The following FER variants were observed in gnomAD, a reference collection of about 807,000 sequenced individuals.
FER encodes the protein FER tyrosine kinase, also known as tyrosine-protein kinase Fer.
Under a neutral mutation model 111.0 loss-of-function variants are expected in FER, and 63 were observed. The ratio of observed to expected loss-of-function variants is 0.57; its 90% confidence interval spans 0.46 to 0.70. The LOEUF (loss-of-function observed/expected upper bound fraction) is 0.70, where lower values mean the gene tolerates loss of function less well. FER is among the 30% of genes least tolerant of loss of function. The pLI is 0.00. For synonymous variants in FER, 327 were observed against 313.9 expected (o/e 1.04, Z -0.44); for missense variants, 914 against 954.0 (o/e 0.96, Z 0.55).
intron 16 of FER, among the ~76,000 whole-genome samples, chr5:109,091,073 A>G (rs1370295227): frequency 1.3e-5 from 2 of 152,208 alleles, no homozygotes; most frequent in African/African-American, 4.8e-5. Context: ...AATGGGAGAA[A>G]CCACTGAAGG....
At chr5:108,769,252 T>C (rs1752642545) in intron 2 of FER, among the ~76,000 whole-genome samples, 2 of 152,164 alleles carry the variant, frequency 1.3e-5, no homozygotes, top group East Asian at 1.9e-4. Context: ...AGACCTATTA[T>C]ATGAGAAGGA....
intron 16 of FER, among the ~76,000 whole-genome samples, chr5:109,086,371 C>A (rs1777568637): frequency 1.3e-5 from 2 of 151,626 alleles, no homozygotes; most frequent in African/African-American, 4.8e-5. Context: ...AAAGATGTTT[C>A]ATCTTTCAAT....
chr5:109,047,298 A>G (rs916287944), intron 16 of FER, 100 bp downstream of exon 16: 12 of 667,262 alleles, frequency 1.8e-5, no homozygotes, highest in Non-Finnish European at 2.8e-5. Flanking sequence ...AAAGTCTCCA[A>G]GGATTTTGTT....
chr5:108,843,298 CA>C (rs1442806348), intron 5 of FER, among the ~76,000 whole-genome samples: 2 of 151,664 alleles, frequency 1.3e-5, no homozygotes, highest in African/African-American at 4.8e-5. Flanking sequence ...CTATGGAAAA[CA>C]AAAAAAGAAA....
At chr5:109,152,956 C>CA (rs1244432612) in intron 17 of FER, among the ~76,000 whole-genome samples, 1 of 151,700 alleles carries the variant, frequency 6.6e-6, no homozygotes, top group Non-Finnish European at 1.5e-5. Context: ...AGTGGATTAA[C>CA]AAAACATAGA....
intron 16 of FER, among the ~76,000 whole-genome samples, chr5:109,054,513 G>A (rs1246592932): frequency 6.6e-6 from 1 of 152,080 alleles, no homozygotes; most frequent in African/African-American, 2.4e-5. Flanking sequence ...TACATATTCT[G>A]GATACAAATC....
intron 16 of FER, among the ~76,000 whole-genome samples, chr5:109,061,446 A>G (rs1204750202): frequency 6.6e-6 from 1 of 152,206 alleles, no homozygotes; most frequent in African/African-American, 2.4e-5. Flanking sequence ...CAAAGAAACT[A>G]TTAAATAAGT....
intron 17 of FER, among the ~76,000 whole-genome samples, chr5:109,142,794 A>G (rs1005699721): frequency 1.3e-5 from 2 of 152,178 alleles, no homozygotes; most frequent in African/African-American, 4.8e-5. Context: ...ACAAGTCAGT[A>G]TATATTTTAG....
intron 10 of FER, among the ~76,000 whole-genome samples, chr5:108,932,134 C>G (rs941311969): frequency 1.3e-5 from 2 of 152,034 alleles, no homozygotes; most frequent in African/African-American, 4.8e-5. Context: ...AACCCATCAT[C>G]TACATTAGGT....
At chr5:108,892,253 A>G (rs1427922342) in intron 9 of FER, among the ~76,000 whole-genome samples, 1 of 152,214 alleles carries the variant, frequency 6.6e-6, no homozygotes, top group African/African-American at 2.4e-5. Flanking sequence ...TGACTTCCAC[A>G]ACAGTTGAAC....
chr5:108,943,162 C>G (rs1756500835), intron 10 of FER, among the ~76,000 whole-genome samples: 1 of 152,150 alleles, frequency 6.6e-6, no homozygotes, highest in African/African-American at 2.4e-5. Context: ...CTGTGACTAA[C>G]TGCTCCAAGG....
At chr5:109,010,729 C>G (rs1227786266) in intron 13 of FER, among the ~76,000 whole-genome samples, 1 of 152,090 alleles carries the variant, frequency 6.6e-6, no homozygotes, top group Non-Finnish European at 1.5e-5. Context: ...CTCCCATATT[C>G]AGTTGCTGAT....
At chr5:109,147,118 C>G (rs573286138) in intron 17 of FER, among the ~76,000 whole-genome samples, 1 of 151,596 alleles carries the variant, frequency 6.6e-6, no homozygotes, top group East Asian at 1.9e-4. Context: ...AGTGATTACT[C>G]AGACTTCTCA....
intron 16 of FER, among the ~76,000 whole-genome samples, chr5:109,056,115 G>A (rs1322531542): frequency 6.6e-6 from 1 of 152,180 alleles, no homozygotes; most frequent in Non-Finnish European, 1.5e-5. Flanking sequence ...CCTGTACACT[G>A]TCGGTAGGAA....
intron 17 of FER, among the ~76,000 whole-genome samples, chr5:109,127,480 T>C (rs1751858543): frequency 6.6e-6 from 1 of 152,190 alleles, no homozygotes; most frequent in African/African-American, 2.4e-5. Flanking sequence ...CTCGGCTCAC[T>C]GCAATCTCCA....
At chr5:109,075,405 CT>C (rs1164860650) in intron 16 of FER, among the ~76,000 whole-genome samples, 10 of 146,468 alleles carry the variant, frequency 6.8e-5, no homozygotes, top group South Asian at 4.4e-4. Flanking sequence ...CTAAAAATAT[CT>C]TTGGAATGGC....
intron 10 of FER, among the ~76,000 whole-genome samples, chr5:108,902,545 A>G (rs1750186408): frequency 1.3e-5 from 2 of 152,174 alleles, no homozygotes; most frequent in Admixed American, 6.5e-5. Context: ...CAAGGGGGAA[A>G]TAGTATATGG....
chr5:109,062,513 G>A lies in FER; in HGVS notation c.1924+15315G>A, dbSNP rs188974809. 7.9e-4 allele frequency among the ~76,000 whole-genome samples: 120 copies of A among 152,028 alleles called. No homozygotes were observed. In the East Asian group the frequency reaches 0.019, roughly 24 times the overall value. On this transcript the variant is annotated intron_variant, in intron 16 of 19. Transcript: ENST00000281092. ...TGCACTTCAGTCTGGGTGACAGAGT[G>A]AGAATCTGTCTCAAAAGAAAAAAAA...
intron 2 of FER, among the ~76,000 whole-genome samples, chr5:108,788,713 C>T (rs1755027175): frequency 6.6e-6 from 1 of 152,156 alleles, no homozygotes; most frequent in Non-Finnish European, 1.5e-5. Flanking sequence ...TTGGTTTCAT[C>T]TGTCACCTTT....
Sources: allele counts gnomAD v4.1 joint callset (sites outside exome capture counted in the v4.1 genomes callset), GRCh38; gene constraint gnomAD v4.1.1; transcripts MANE v1.5; gene names NCBI Gene and HGNC (gene_info 2026-07-23, HGNC 2026-07-21).